CPNE3: variants seen among roughly 807,000 people sequenced by gnomAD.
CPNE3 encodes the protein copine-3.
In CPNE3, 68 loss-of-function variants were observed where a neutral mutation model predicts 63.9. The ratio of observed to expected loss-of-function variants is 1.06; its 90% confidence interval spans 0.87 to 1.30. CPNE3 has a LOEUF of 1.30. CPNE3 is among the 50% of genes most tolerant of loss of function. The pLI is 0.00. For missense variants in CPNE3, 665 were observed against 578.1 expected (o/e 1.15, Z -1.54); for synonymous variants, 219 against 197.5 (o/e 1.11, Z -0.91).
At chr8:86,520,868 G>C (rs1377105335) in intron 2 of CPNE3, among the ~76,000 whole-genome samples, 1 of 151,944 alleles carries the variant, frequency 6.6e-6, no homozygotes, top group Non-Finnish European at 1.5e-5. Flanking sequence ...GACCAGGCTG[G>C]TCTCAAACTC....
chr8:86,514,443 A>G lies in CPNE3; in HGVS notation c.-147A>G, dbSNP rs1040807968. 8.4e-6 allele frequency: 1 copy of G among 119,140 alleles called. No homozygotes were observed. Among genetic ancestry groups the G allele is most frequent in the Non-Finnish European group, 1.6e-5 (1 of 63,482 alleles). 7.4% of individuals were successfully genotyped at this position (119,140 alleles called of 1,614,324 possible). A position where few individuals can be genotyped will look rare whatever the true frequency, so the allele number is the denominator to read the frequency against. ...CCCCGCCCCCTTGCTCTGCCAGTCC[A>G]GCCCTAGGTTCTCCTGAATCCCTGC... On this transcript the variant is annotated 5_prime_UTR_variant, in exon 1 of 17. Transcript: ENST00000517490.
At chr8:86,516,246 G>A (rs183320301) in intron 2 of CPNE3, among the ~76,000 whole-genome samples, 1 of 152,082 alleles carries the variant, frequency 6.6e-6, no homozygotes, top group Admixed American at 6.6e-5. Flanking sequence ...CTTCTTTCAG[G>A]TCTAGTCCCT....
rs551368911 is a variant in CPNE3 at position 86,530,027 on chromosome 8, C to CT, written c.312+904dup. On this transcript the variant is annotated intron_variant, in intron 4 of 16. Transcript: ENST00000517490. ...AAAAATCCCAGTGTAGCTAAAATTC[C>CT]TATGAATTTGATATATCTTTCAAAC... is the stretch of plus-strand genomic sequence containing the variant. 1.8e-3 allele frequency among the ~76,000 whole-genome samples: 277 copies of CT among 151,944 alleles called. 4 individuals are homozygous for CT. The highest frequency in any genetic ancestry group is 6.2e-3 in the African/African-American group (258 of 41,418).
At position 86,533,348 on chromosome 8, in the gene CPNE3, GCC is replaced by G. The variant is rs1820726421; in HGVS notation, c.459+769_459+770del. Among the ~76,000 whole-genome samples the G allele has an allele frequency of 8.5e-5, 13 of 152,140 alleles. No homozygotes were observed. In the South Asian group the frequency reaches 1.0e-3, roughly 12 times the overall value. On this transcript the variant is annotated intron_variant, in intron 6 of 16. Transcript: ENST00000517490. Reference sequence around the variant, plus strand: ...ACTTGAGCTCAGAAGTTTGAGACCAGCCTGGGCAACATGGCGAAACCCCATCT... The same window carrying G: ...ACTTGAGCTCAGAAGTTTGAGACCAGTGGGCAACATGGCGAAACCCCATCT...
chr8:86,552,682 T>C (rs1043854772), intron 14 of CPNE3, among the ~76,000 whole-genome samples: 3 of 151,290 alleles, frequency 2.0e-5, no homozygotes, highest in Non-Finnish European at 4.4e-5. Context: ...TTAATCCCCT[T>C]TTCCTAACTA....
At chr8:86,543,913 T>C (rs1037028902) in intron 8 of CPNE3, among the ~76,000 whole-genome samples, 1 of 152,120 alleles carries the variant, frequency 6.6e-6, no homozygotes, top group Non-Finnish European at 1.5e-5. Context: ...TGCCACCTAA[T>C]TTTTCCCATT....
intron 4 of CPNE3, among the ~76,000 whole-genome samples, chr8:86,529,660 T>C (rs894801877): frequency 1.3e-5 from 2 of 152,202 alleles, no homozygotes; most frequent in African/African-American, 4.8e-5. Flanking sequence ...TTTTAATAGT[T>C]GCTTAATTAT....
chr8:86,550,494 G>C lies in CPNE3; in HGVS notation c.1014-552G>C, dbSNP rs79429083. On this transcript the variant is annotated intron_variant, in intron 12 of 16. Coordinates refer to ENST00000517490, the MANE Select transcript of CPNE3 (RefSeq NM_003909.5). ...TTCATTATGGTGTTTTATAATGGCG[G>C]AACATTGGCTATCAGACATCTGGGG... Among the ~76,000 whole-genome samples the C allele has an allele frequency of 1.3e-3, 202 of 152,312 alleles. 5 individuals carry two copies. The East Asian group carries it at 0.037, about 28-fold the overall frequency.
At chr8:86,544,540 G>A (rs1321490878) in intron 8 of CPNE3, among the ~76,000 whole-genome samples, 200 bp from the exon 9 acceptor site, 1 of 152,074 alleles carries the variant, frequency 6.6e-6, no homozygotes, top group Non-Finnish European at 1.5e-5. Context: ...CCCATCCCAA[G>A]GATAGCTGGG....
chr8:86,539,686 G>T (rs1820885492), intron 7 of CPNE3, among the ~76,000 whole-genome samples: 9 of 101,066 alleles, frequency 8.9e-5, no homozygotes, highest in South Asian at 3.1e-4. Context: ...TTTTTGAGAC[G>T]TTGTCTTGCT....
chr8:86,531,430 C>A (rs1820682914), intron 5 of CPNE3, among the ~76,000 whole-genome samples: 1 of 152,070 alleles, frequency 6.6e-6, no homozygotes, highest in South Asian at 2.1e-4. Flanking sequence ...TGTAGTAATC[C>A]CTTCTTTCAG....
In CPNE3 at chr8:86,551,340, A is replaced by C. The variant is rs889055777; in HGVS notation, c.1120+106A>C. 7.7e-6 allele frequency: 6 copies of C among 779,760 alleles called. No homozygotes were observed. In the Admixed American group the frequency reaches 1.4e-4, roughly 19 times the overall value. 48.3% of individuals were successfully genotyped at this position (779,760 alleles called of 1,614,324 possible). ...TTTTCTTGTGATTAAAACTACTCAAATTTCATCTCTAGGTTTCATTTTCTT... is the reference window on the plus strand; with the variant it reads ...TTTTCTTGTGATTAAAACTACTCAACTTTCATCTCTAGGTTTCATTTTCTT... On this transcript the variant is annotated intron_variant, in intron 14 of 16. Coordinates refer to ENST00000517490, the MANE Select transcript of CPNE3 (RefSeq NM_003909.5).
intron 5 of CPNE3, among the ~76,000 whole-genome samples, chr8:86,531,485 C>T (rs1329890030): frequency 1.3e-5 from 2 of 152,128 alleles, no homozygotes; most frequent in Non-Finnish European, 2.9e-5. Context: ...TTTAGCGATA[C>T]CTGCCCCTTC....
At chr8:86,533,640 C>T (rs1272915118) in intron 6 of CPNE3, among the ~76,000 whole-genome samples, 1 of 151,414 alleles carries the variant, frequency 6.6e-6, no homozygotes, top group East Asian at 1.9e-4. Context: ...AACTAGAAGA[C>T]TCTTTTTAAA....
intron 4 of CPNE3, among the ~76,000 whole-genome samples, chr8:86,530,052 C>G (rs1486074922): frequency 6.6e-6 from 1 of 151,862 alleles, no homozygotes; most frequent in Non-Finnish European, 1.5e-5. Context: ...ATCTTTCAAA[C>G]AGATACATCA....
intron 6 of CPNE3, among the ~76,000 whole-genome samples, chr8:86,532,947 A>G (rs1357809256): frequency 2.0e-5 from 3 of 152,094 alleles, no homozygotes; most frequent in Non-Finnish European, 4.4e-5. Flanking sequence ...ATTTTTTTTT[A>G]TGAAGGATGA....
chr8:86,517,307 A>C (rs1032215621), intron 2 of CPNE3, among the ~76,000 whole-genome samples: 2 of 152,210 alleles, frequency 1.3e-5, no homozygotes, highest in African/African-American at 4.8e-5. Context: ...GAAATACTAC[A>C]TACTCATTTT....
At chr8:86,544,919 A>C in intron 9 of CPNE3, 81 bp downstream of exon 9, 1 of 754,886 alleles carries the variant, frequency 1.3e-6, no homozygotes, top group Non-Finnish European at 2.1e-6. Flanking sequence ...TTCCCATAGC[A>C]TCAAACGGTT....
In CPNE3 at chr8:86,537,561, A is replaced by G; in HGVS notation, c.460-2A>G. The G allele has an allele frequency of 6.4e-7, 1 of 1,573,422 alleles. No homozygotes were observed. The highest frequency in any genetic ancestry group is 8.7e-7 in the Non-Finnish European group (1 of 1,143,138). On this transcript the variant is annotated splice_acceptor_variant, in intron 6 of 16. Coordinates refer to ENST00000517490, the MANE Select transcript of CPNE3 (RefSeq NM_003909.5). LOFTEE classifies it high-confidence loss of function. ...GCTTTTTGTTGTTTGTTTTAAATGT[A>G]GGATCTATTTGGAAAGTCAGACCCA...
Sources: allele counts gnomAD v4.1 joint callset (sites outside exome capture counted in the v4.1 genomes callset), GRCh38; gene constraint gnomAD v4.1.1; transcripts MANE v1.5; gene names NCBI Gene and HGNC (gene_info 2026-07-23, HGNC 2026-07-21).